The following NRG1 variants were observed in gnomAD, a reference collection of about 807,000 sequenced individuals.
NRG1 encodes the protein neuregulin 1.
Under a neutral mutation model 63.8 loss-of-function variants are expected in NRG1, and 18 were observed. The ratio of observed to expected loss-of-function variants is 0.28; its 90% CI spans 0.19 to 0.42. The LOEUF (loss-of-function observed/expected upper bound fraction) is 0.42. Ranked by LOEUF, NRG1 falls within the 10% of genes least tolerant of loss-of-function variation. NRG1 has a pLI of 1.00. For synonymous variants in NRG1, 302 were observed against 301.3 expected (o/e 1.00, Z -0.02); for missense variants, 762 against 814.7 (o/e 0.94, Z 0.79).
At chr8:31,765,199 A>G (rs564079131) in intron 1 of NRG1, among the ~76,000 whole-genome samples, 21 of 152,056 alleles carry the variant, frequency 1.4e-4, no homozygotes, top group Non-Finnish European at 2.9e-4. Context: ...AACCTTACTG[A>G]ACTCACTTAT....
At chr8:32,506,153 G>A (rs1211051320) in intron 1 of NRG1, among the ~76,000 whole-genome samples, 1 of 152,156 alleles carries the variant, frequency 6.6e-6, no homozygotes, top group South Asian at 2.1e-4. Flanking sequence ...GAAGGCTGAG[G>A]CAGGATGATT....
chr8:32,056,394 T>A (rs1822947649), intron 1 of NRG1, among the ~76,000 whole-genome samples: 1 of 152,226 alleles, frequency 6.6e-6, no homozygotes, highest in Admixed American at 6.5e-5. Context: ...ATAAAATGTT[T>A]ATTTTCTGCC....
At chr8:32,391,878 G>A (rs1039924415) in intron 1 of NRG1, among the ~76,000 whole-genome samples, 12 of 152,096 alleles carry the variant, frequency 7.9e-5, no homozygotes, top group African/African-American at 2.9e-4. Context: ...TACTTTTCTC[G>A]AGTCCAAAGG....
intron 1 of NRG1, among the ~76,000 whole-genome samples, chr8:32,173,714 T>G (rs1373181198): frequency 6.6e-6 from 1 of 152,084 alleles, no homozygotes; most frequent in African/African-American, 2.4e-5. Context: ...AAACAGACTT[T>G]AAACCAACAA....
intron 1 of NRG1, among the ~76,000 whole-genome samples, chr8:32,111,680 G>A (rs975776575): frequency 6.6e-6 from 1 of 152,162 alleles, no homozygotes; most frequent in African/African-American, 2.4e-5. Context: ...TGAGTCCTCA[G>A]TATTTTGCCT....
intron 1 of NRG1, among the ~76,000 whole-genome samples, chr8:32,323,385 G>T (rs1801637594): frequency 6.6e-6 from 1 of 152,006 alleles, no homozygotes; most frequent in Non-Finnish European, 1.5e-5. Context: ...TGCTTCTTTT[G>T]GAAAAAAATA....
At chr8:31,658,798 G>T (rs975840682) in intron 1 of NRG1, among the ~76,000 whole-genome samples, 3 of 152,182 alleles carry the variant, frequency 2.0e-5, no homozygotes, top group Non-Finnish European at 4.4e-5. Flanking sequence ...TCAGCAGAGG[G>T]AAGGGAGAGT....
At chr8:31,650,732 T>C (rs1052799672) in intron 1 of NRG1, among the ~76,000 whole-genome samples, 6 of 151,750 alleles carry the variant, frequency 4.0e-5, no homozygotes, top group African/African-American at 1.5e-4. Context: ...AATTTTTCTC[T>C]GTTTCTGTGT....
At chr8:32,515,202 A>G (rs112494794) in intron 1 of NRG1, among the ~76,000 whole-genome samples, 5,227 of 152,258 alleles carry the variant, frequency 0.034, 115 homozygotes, top group African/African-American at 0.06. Context: ...ACTGCTTTTC[A>G]CAGTGGCTGA....
chr8:32,538,697 G>A (rs1832272213), intron 1 of NRG1, among the ~76,000 whole-genome samples: 1 of 152,176 alleles, frequency 6.6e-6, no homozygotes. Flanking sequence ...ACCCTTCAAT[G>A]GCAGCCCAAT....
chr8:32,171,948 G>T (rs928753757), intron 1 of NRG1, among the ~76,000 whole-genome samples: 3 of 152,176 alleles, frequency 2.0e-5, no homozygotes, highest in African/African-American at 4.8e-5. Context: ...AAAGGCAGCA[G>T]AATCCTCTGC....
At chr8:32,384,342 A>G (rs924649944) in intron 1 of NRG1, among the ~76,000 whole-genome samples, 16 of 152,282 alleles carry the variant, frequency 1.1e-4, no homozygotes, top group Non-Finnish European at 1.8e-4. Flanking sequence ...GAATGCATTG[A>G]TAATGACAGT....
At chr8:31,821,681 C>T (rs958610537) in intron 1 of NRG1, among the ~76,000 whole-genome samples, 2 of 152,034 alleles carry the variant, frequency 1.3e-5, no homozygotes, top group Non-Finnish European at 2.9e-5. Context: ...GGCTCATCAG[C>T]TTTTTCAGGG....
At chr8:32,358,127 A>G (rs7842750) in intron 1 of NRG1, among the ~76,000 whole-genome samples, 8,561 of 152,218 alleles carry the variant, frequency 0.056, 315 homozygotes, top group Middle Eastern at 0.099. Flanking sequence ...GCTTTCCTGC[A>G]TTCCTAGAAT....
chr8:32,199,715 A>G (rs2132285485), intron 1 of NRG1, among the ~76,000 whole-genome samples: 1 of 152,300 alleles, frequency 6.6e-6, no homozygotes, highest in Non-Finnish European at 1.5e-5. Context: ...CCTCTCTGAA[A>G]ACTACTTAGA....
intron 1 of NRG1, among the ~76,000 whole-genome samples, chr8:32,258,529 G>T (rs532054473): frequency 2.8e-4 from 43 of 152,240 alleles, no homozygotes; most frequent in African/African-American, 1.0e-3. Flanking sequence ...AGGTTTAATT[G>T]ACTCACAGTT....
intron 1 of NRG1, among the ~76,000 whole-genome samples, chr8:32,446,142 A>C (rs1463458038): frequency 6.6e-6 from 1 of 152,208 alleles, no homozygotes; most frequent in Non-Finnish European, 1.5e-5. Context: ...GGTGTCACAC[A>C]AAACCTTGAA....
At chr8:32,724,146 G>A (rs17669759) in intron 5 of NRG1, among the ~76,000 whole-genome samples, 23,394 of 152,156 alleles carry the variant, frequency 0.15, 2,135 homozygotes, top group Non-Finnish European at 0.2. Context: ...AAGTGTGTTT[G>A]GGATAAAGTG....
chr8:32,240,941 T>A (rs766449624), intron 1 of NRG1, among the ~76,000 whole-genome samples: 1 of 151,938 alleles, frequency 6.6e-6, no homozygotes, highest in Non-Finnish European at 1.5e-5. Flanking sequence ...AGAAGGAGAA[T>A]GGGGGGTACC....
Sources: allele counts gnomAD v4.1 joint callset (sites outside exome capture counted in the v4.1 genomes callset), GRCh38; gene constraint gnomAD v4.1.1; transcripts MANE v1.5; gene names NCBI Gene and HGNC (gene_info 2026-07-23, HGNC 2026-07-21).